Variants in AGBL4 observed in about 807,000 individuals in gnomAD.
AGBL4 encodes the protein cytosolic carboxypeptidase 6.
AGBL4 carries 58 observed loss-of-function variants against 66.4 expected under a neutral mutation model. That is an observed-to-expected ratio of 0.87 (90% CI 0.71 to 1.09). AGBL4 has a LOEUF of 1.09. Ranked by LOEUF, AGBL4 falls within the 50% of genes least tolerant of loss-of-function variation. AGBL4 has a pLI of 0.00. For synonymous variants in AGBL4, 234 were observed against 222.9 expected, an observed-to-expected ratio of 1.05 and a Z score of -0.44; for missense variants, 579 against 631.0, an observed-to-expected ratio of 0.92 and a Z score of 0.88.
At chr1:49,680,405 G>T (rs906101396) in intron 3 of AGBL4, among the ~76,000 whole-genome samples, 1 of 146,974 alleles carries the variant, frequency 6.8e-6, no homozygotes, top group Non-Finnish European at 1.5e-5. Flanking sequence ...AGTCATTCTT[G>T]CTGTATGGCA....
Position 48,910,137 on chromosome 1 carries a change from A to G in AGBL4, c.595-42907T>C, listed in dbSNP as rs1383927768. Among the ~76,000 whole-genome samples, 6 of 152,178 alleles carry G rather than the reference A, an allele frequency of 3.9e-5. No individual in the cohort carries two copies. In the East Asian group the frequency reaches 9.6e-4, roughly 24 times the overall value. ...TCAATGTATAATACAATAAACAGGG[A>G]CCTTGTGACACATACCAAGAAGACT... On this transcript the variant is annotated intron_variant, in intron 5 of 13. Coordinates refer to ENST00000371839, the MANE Select transcript of AGBL4 (RefSeq NM_032785.4).
chr1:48,865,452 T>C (rs996386911), intron 6 of AGBL4, among the ~76,000 whole-genome samples: 1 of 152,126 alleles, frequency 6.6e-6, no homozygotes, highest in Non-Finnish European at 1.5e-5. Flanking sequence ...AATACACCAG[T>C]GTGCCACAAC....
At chr1:49,576,806 T>TGACAGAGA (rs1181172991) in intron 3 of AGBL4, among the ~76,000 whole-genome samples, 2 of 152,070 alleles carry the variant, frequency 1.3e-5, no homozygotes, top group Non-Finnish European at 2.9e-5. Flanking sequence ...TATGATCAGT[T>TGACAGAGA]GACAGAGAGA....
intron 3 of AGBL4, among the ~76,000 whole-genome samples, chr1:49,577,268 T>C (rs1346151899): frequency 6.6e-6 from 1 of 152,212 alleles, no homozygotes; most frequent in Non-Finnish European, 1.5e-5. Context: ...ACTCAGCCTC[T>C]TTCTCCAGTC....
At chr1:49,642,675 A>T (rs1452104928) in intron 3 of AGBL4, among the ~76,000 whole-genome samples, 1 of 152,056 alleles carries the variant, frequency 6.6e-6, no homozygotes, top group Non-Finnish European at 1.5e-5. Context: ...CAGCTAAAGC[A>T]GAAAAGCTCA....
intron 2 of AGBL4, among the ~76,000 whole-genome samples, chr1:49,801,472 A>G (rs1038162063): frequency 1.3e-5 from 2 of 152,202 alleles, no homozygotes; most frequent in African/African-American, 4.8e-5. Context: ...TCAAGCCACT[A>G]TGTTTGTGAT....
intron 7 of AGBL4, among the ~76,000 whole-genome samples, chr1:48,661,190 G>T (rs1646101962): frequency 6.6e-6 from 1 of 152,220 alleles, no homozygotes; most frequent in Non-Finnish European, 1.5e-5. Context: ...CAATAAAGAT[G>T]ATGGCCATCT....
chr1:50,007,238 A>G (rs989397043), intron 1 of AGBL4, among the ~76,000 whole-genome samples: 4 of 152,222 alleles, frequency 2.6e-5, no homozygotes, highest in African/African-American at 9.6e-5. Context: ...CAAAAAATAA[A>G]AAATCAGAAA....
intron 3 of AGBL4, among the ~76,000 whole-genome samples, chr1:49,279,847 A>T (rs1226431460): frequency 6.6e-6 from 1 of 152,226 alleles, no homozygotes; most frequent in Non-Finnish European, 1.5e-5. Flanking sequence ...TAAATAGTTG[A>T]AATGATGATA....
At chr1:49,144,245 G>T (rs935402953) in intron 4 of AGBL4, among the ~76,000 whole-genome samples, 1 of 151,902 alleles carries the variant, frequency 6.6e-6, no homozygotes, top group Admixed American at 6.6e-5. Context: ...TGGTCGCCAG[G>T]TACTATGTTA....
At chr1:49,221,299 C>T (rs960828819) in intron 4 of AGBL4, among the ~76,000 whole-genome samples, 5 of 152,064 alleles carry the variant, frequency 3.3e-5, no homozygotes, top group African/African-American at 1.2e-4. Flanking sequence ...ATAGGATCCC[C>T]ACTTCAACAT....
chr1:48,714,625 A>G (rs566829858), intron 6 of AGBL4, among the ~76,000 whole-genome samples: 2 of 152,282 alleles, frequency 1.3e-5, no homozygotes, highest in African/African-American at 4.8e-5. Context: ...CGATTCCACC[A>G]GAGTGGTCCT....
At chr1:49,184,822 G>T (rs1193650208) in intron 4 of AGBL4, among the ~76,000 whole-genome samples, 1 of 152,088 alleles carries the variant, frequency 6.6e-6, no homozygotes, top group Non-Finnish European at 1.5e-5. Context: ...TGTGACCTTG[G>T]CATCTATGAG....
intron 5 of AGBL4, among the ~76,000 whole-genome samples, chr1:48,926,029 G>A (rs973452982): frequency 2.0e-5 from 3 of 152,178 alleles, no homozygotes; most frequent in Non-Finnish European, 4.4e-5. Context: ...TTAGATGAAT[G>A]AGGACAGCAA....
intron 1 of AGBL4, among the ~76,000 whole-genome samples, chr1:49,881,942 T>A (rs1647372237): frequency 6.6e-6 from 1 of 152,178 alleles, no homozygotes. Flanking sequence ...TTTTGGTGTT[T>A]TGGACATGAA....
At chr1:48,683,052 A>C (rs1646478777) in intron 6 of AGBL4, among the ~76,000 whole-genome samples, 1 of 152,250 alleles carries the variant, frequency 6.6e-6, no homozygotes, top group Non-Finnish European at 1.5e-5. Context: ...GGGTTTAGAC[A>C]CAGGCTTTGG....
intron 4 of AGBL4, among the ~76,000 whole-genome samples, chr1:49,113,866 A>G (rs1317781924): frequency 1.3e-5 from 2 of 152,304 alleles, no homozygotes; most frequent in East Asian, 3.9e-4. Flanking sequence ...AGGTCTCAAC[A>G]GTAGGCTTAA....
At chr1:48,822,635 T>G (rs1484470301) in intron 6 of AGBL4, among the ~76,000 whole-genome samples, 1 of 152,220 alleles carries the variant, frequency 6.6e-6, no homozygotes, top group Non-Finnish European at 1.5e-5. Context: ...TATATTAACT[T>G]TACAGTAGTT....
chr1:49,510,244 G>T (rs1031905225), intron 3 of AGBL4, among the ~76,000 whole-genome samples: 7 of 151,894 alleles, frequency 4.6e-5, no homozygotes, highest in African/African-American at 1.7e-4. Context: ...TCCAGCACCT[G>T]TTGTTTCCTG....
Sources: allele counts gnomAD v4.1 joint callset (sites outside exome capture counted in the v4.1 genomes callset), GRCh38; gene constraint gnomAD v4.1.1; transcripts MANE v1.5; gene names NCBI Gene and HGNC (gene_info 2026-07-23, HGNC 2026-07-21).